Variants in EYA1 observed in about 807,000 individuals in gnomAD.
EYA1 encodes EYA transcriptional coactivator and phosphatase 1, also known as protein phosphatase EYA1.
Under a neutral mutation model 82.0 loss-of-function variants are expected in EYA1, and 16 were observed. That is an observed-to-expected ratio of 0.20 (90% CI 0.13 to 0.30). The LOEUF (loss-of-function observed/expected upper bound fraction) is 0.30, where lower values mean the gene tolerates loss of function less well. Among genes scored for constraint, EYA1 ranks in the 10% least tolerant of loss-of-function variants. The pLI is 1.00. For synonymous variants in EYA1, 261 were observed against 264.4 expected (o/e 0.99, Z 0.12); for missense variants, 633 against 730.7 (o/e 0.87, Z 1.54).
intron 2 of EYA1, among the ~76,000 whole-genome samples, chr8:71,488,632 G>A (rs916207031): frequency 6.6e-6 from 1 of 152,204 alleles, no homozygotes; most frequent in Non-Finnish European, 1.5e-5. Context: ...TTTGATCTGG[G>A]TGTTACTTTT....
At chr8:71,306,666 T>C (rs146625205) in intron 7 of EYA1, among the ~76,000 whole-genome samples, 1 of 152,208 alleles carries the variant, frequency 6.6e-6, no homozygotes, top group Non-Finnish European at 1.5e-5. Context: ...CTCTTAATGC[T>C]TCCCTCCCTC....
chr8:71,242,831 C>A (rs552119416), intron 12 of EYA1, among the ~76,000 whole-genome samples: 3 of 143,006 alleles, frequency 2.1e-5, no homozygotes, highest in Non-Finnish European at 4.5e-5. Flanking sequence ...GGCTGGAGTG[C>A]AATGGCGTGA....
intron 11 of EYA1, among the ~76,000 whole-genome samples, chr8:71,245,283 T>C (rs928285248): frequency 2.0e-5 from 3 of 152,118 alleles, no homozygotes; most frequent in Admixed American, 6.5e-5. Flanking sequence ...CTGGAGTACA[T>C]TGGCGTGATC....
At chr8:71,338,948 T>C (rs1824810890) in intron 3 of EYA1, among the ~76,000 whole-genome samples, 1 of 152,136 alleles carries the variant, frequency 6.6e-6, no homozygotes, top group African/African-American at 2.4e-5. Flanking sequence ...TTTCCTACTA[T>C]ATTATGCAGG....
At chr8:71,270,203 C>T (rs77718771) in intron 10 of EYA1, 10,966 of 182,678 alleles carry the variant, frequency 0.06, 439 homozygotes, top group Non-Finnish European at 0.082. Flanking sequence ...TTTTCCTTAC[C>T]TCTGATCTCT....
At chr8:71,381,176 C>T (rs1188793092) in intron 2 of EYA1, among the ~76,000 whole-genome samples, 5 of 152,342 alleles carry the variant, frequency 3.3e-5, no homozygotes, top group East Asian at 1.9e-4. Context: ...TGGGGTCACA[C>T]GTGGCCCTAA....
Position 71,396,556 on chromosome 8 carries a change from A to G in EYA1, c.34-40045T>C, listed in dbSNP as rs550038177. 1.2e-4 allele frequency among the ~76,000 whole-genome samples: 18 copies of G among 152,336 alleles called. 1 individual carries two copies. The South Asian group carries it at 2.9e-3, about 25-fold the overall frequency. On this transcript the variant is annotated intron_variant, in intron 2 of 18. Coordinates refer to the EYA1 transcript ENST00000643681. ...GCCTTCATTTCGTTATATAGCCAGT[A>G]GTCATTCAGGAGCAGTTGTTCAGTT... is the stretch of plus-strand genomic sequence containing the variant.
intron 2 of EYA1, among the ~76,000 whole-genome samples, chr8:71,444,865 A>G (rs966072026): frequency 6.6e-6 from 1 of 152,258 alleles, no homozygotes; most frequent in Non-Finnish European, 1.5e-5. Context: ...ATATTCCTCA[A>G]GATGGCCATT....
At chr8:71,379,313 G>A (rs556868304) in intron 2 of EYA1, among the ~76,000 whole-genome samples, 1 of 151,988 alleles carries the variant, frequency 6.6e-6, no homozygotes, top group East Asian at 1.9e-4. Flanking sequence ...ATCTCTACAG[G>A]GGCCACAGAG....
chr8:71,215,338 T>C, intron 16 of EYA1, 49 bp downstream of exon 16: 1 of 1,586,800 alleles, frequency 6.3e-7, no homozygotes, highest in Non-Finnish European at 8.6e-7. Flanking sequence ...GTTTTTATTA[T>C]CCTGAAGGAA....
intron 9 of EYA1, among the ~76,000 whole-genome samples, chr8:71,294,018 G>A (rs1819303966): frequency 1.4e-5 from 2 of 146,274 alleles, no homozygotes; most frequent in Admixed American, 6.9e-5. Context: ...TGTCTATGTA[G>A]AAAATATAAA....
rs1387320716 is a variant in EYA1 at position 71,523,176 on chromosome 8, TTTC to T, written c.33+12565_33+12567del. ...AGCTCTTTTTCTTTTCTTTTTTCTT[TTTC>T]TTTTTTTTTTTTTTTTTGAGACGGA... On this transcript the variant is annotated intron_variant, in intron 2 of 18. Coordinates refer to the EYA1 transcript ENST00000643681. 8.7e-5 allele frequency among the ~76,000 whole-genome samples: 10 copies of T among 115,384 alleles called. 1 individual carries two copies. The South Asian group carries it at 9.8e-4, about 11-fold the overall frequency. 75.7% of individuals were successfully genotyped at this position (115,384 alleles called of 152,430 possible). A position where few individuals can be genotyped will look rare whatever the true frequency, so the allele number is the denominator to read the frequency against.
intron 9 of EYA1, among the ~76,000 whole-genome samples, chr8:71,290,217 G>A (rs1344920139): frequency 6.6e-6 from 1 of 152,084 alleles, no homozygotes; most frequent in African/African-American, 2.4e-5. Flanking sequence ...CTTACCAAAC[G>A]ATGAAATCGC....
intron 16 of EYA1, among the ~76,000 whole-genome samples, chr8:71,212,619 T>G (rs1000523648): frequency 6.6e-6 from 1 of 152,218 alleles, no homozygotes; most frequent in African/African-American, 2.4e-5. Context: ...ATGTAGAAAT[T>G]TTTCACAATA....
chr8:71,294,855 T>C lies in EYA1; in HGVS notation c.826+4192A>G, dbSNP rs1024764535. Reference sequence around the variant, plus strand: ...TTTAGGACTTACTATAAAGCTGTAGTAATCAAGACAGAGTGGTATTGGTGA... The same window carrying C: ...TTTAGGACTTACTATAAAGCTGTAGCAATCAAGACAGAGTGGTATTGGTGA... On this transcript the variant is annotated intron_variant, in intron 9 of 17. Coordinates refer to ENST00000340726, the MANE Select transcript of EYA1 (RefSeq NM_000503.6). Among the ~76,000 whole-genome samples, 6 of 152,178 alleles carry C rather than the reference T, an allele frequency of 3.9e-5. No homozygotes were observed. The South Asian group carries it at 6.2e-4, about 16-fold the overall frequency.
At chr8:71,356,895 T>C (rs1826941718) in intron 1 of EYA1, among the ~76,000 whole-genome samples, 2 of 152,300 alleles carry the variant, frequency 1.3e-5, no homozygotes, top group South Asian at 2.1e-4. Context: ...TTAACAGCAA[T>C]AGTTCAAGCA....
intron 2 of EYA1, among the ~76,000 whole-genome samples, chr8:71,373,790 C>T (rs758673798): frequency 2.6e-5 from 4 of 152,048 alleles, no homozygotes; most frequent in Non-Finnish European, 5.9e-5. Context: ...TGAAAACAGA[C>T]ACATACACCA....
chr8:71,372,094 G>T (rs895422533), intron 2 of EYA1, among the ~76,000 whole-genome samples: 3 of 152,048 alleles, frequency 2.0e-5, no homozygotes, highest in Non-Finnish European at 4.4e-5. Flanking sequence ...CGGATTGAAA[G>T]AGCTCAATGA....
intron 2 of EYA1, among the ~76,000 whole-genome samples, chr8:71,457,443 T>C (rs1405119114): frequency 6.6e-6 from 1 of 152,206 alleles, no homozygotes; most frequent in Non-Finnish European, 1.5e-5. Flanking sequence ...ATCATGCTGC[T>C]ATAAAGACAC....
Sources: gnomAD v4.1 joint callset for allele counts (sites outside exome capture counted in the v4.1 genomes callset) on GRCh38, gnomAD v4.1.1 for gene constraint, MANE v1.5 for transcripts, NCBI Gene and HGNC (gene_info 2026-07-23, HGNC 2026-07-21) for gene names.